The following LGALS9 variants were observed in gnomAD, a reference collection of about 807,000 sequenced individuals.
The protein encoded by LGALS9 is galectin-9.
Under a neutral mutation model 35.9 loss-of-function variants are expected in LGALS9, and 26 were observed. The observed-to-expected ratio is 0.72, with a 90% CI of 0.53 to 1.01. The LOEUF is 1.01. LGALS9 is among the 50% of genes least tolerant of loss of function. The pLI is 0.00. For synonymous variants in LGALS9, 149 were observed against 172.2 expected, an observed-to-expected ratio of 0.87 and a Z score of 1.06; for missense variants, 347 against 445.8, an observed-to-expected ratio of 0.78 and a Z score of 1.99.
At chr17:27,648,791 G>T (rs1309410027) in intron 10 of LGALS9, 45 bp from the exon 11 acceptor site, 2 of 1,612,014 alleles carry the variant, frequency 1.2e-6, no homozygotes, top group South Asian at 2.2e-5. Context: ...CAGTGAGGGT[G>T]GAGGACTTCC....
chr17:27,643,726 A>T, intron 5 of LGALS9, 106 bp downstream of exon 5: 1 of 1,458,702 alleles, frequency 6.9e-7, no homozygotes, highest in Non-Finnish European at 9.1e-7. Context: ...TACAGGCCGC[A>T]TCTTGCCCAC....
chr17:27,633,178 A>G (rs2151287949), intron 1 of LGALS9, among the ~76,000 whole-genome samples: 1 of 152,342 alleles, frequency 6.6e-6, no homozygotes, highest in Non-Finnish European at 1.5e-5. Context: ...GTTGCTGACC[A>G]GTTGTGTAAC....
At chr17:27,636,110 C>T (rs914354117) in intron 1 of LGALS9, among the ~76,000 whole-genome samples, 2 of 144,584 alleles carry the variant, frequency 1.4e-5, no homozygotes, top group African/African-American at 2.5e-5. Context: ...GGGGCTCTCA[C>T]GGTGCCAGGT....
intron 2 of LGALS9, chr17:27,638,633 G>A: frequency 2.6e-6 from 1 of 386,152 alleles, no homozygotes; most frequent in Non-Finnish European, 4.9e-6. Flanking sequence ...ATTATGTTCT[G>A]GGTTGAACCT....
chr17:27,637,306 CATCA>C (rs2074463311), intron 1 of LGALS9, among the ~76,000 whole-genome samples: 1 of 152,160 alleles, frequency 6.6e-6, no homozygotes, highest in African/African-American at 2.4e-5. Flanking sequence ...CTCACAAAAT[CATCA>C]ATCATATGCA....
chr17:27,634,852 A>C (rs1325031913), intron 1 of LGALS9, among the ~76,000 whole-genome samples: 3 of 152,194 alleles, frequency 2.0e-5, no homozygotes, highest in Non-Finnish European at 4.4e-5. Context: ...CCAGTGTTAT[A>C]AGTTTCTTAT....
In LGALS9 at chr17:27,640,685, G is replaced by C. The variant is rs376509554; in HGVS notation, c.245G>C (p.Trp82Ser). 2.5e-6 allele frequency: 4 copies of C among 1,614,096 alleles called. No individual in the cohort carries two copies. Among genetic ancestry groups the C allele is most frequent in the Non-Finnish European group, 3.4e-6 (4 of 1,180,040 alleles). The part of the protein sequence containing the change: ...VVCNTRQNGS[W>S]GPEERKTHMP... ...TGCAACACGAGGCAGAACGGAAGCTGGGGGCCCGAGGAGAGGAAGACACAC... is the reference window on the plus strand; with the variant it reads ...TGCAACACGAGGCAGAACGGAAGCTCGGGGCCCGAGGAGAGGAAGACACAC... Residue 82 changes from tryptophan (W) to serine (S), a missense_variant, in exon 3 of 11, where the codon TGG (tryptophan) becomes TCG (serine). Coordinates refer to ENST00000395473, the MANE Select transcript of LGALS9 (RefSeq NM_009587.3).
At position 27,646,256 on chromosome 17, in the gene LGALS9, A is replaced by C. The variant is rs367603980; in HGVS notation, c.628-291A>C. The stretch of plus-strand genomic sequence containing the variant: ...GGTCCCCAGGATGTCACTATTGATC[A>C]CAGGCTTAAGCTCTTCTCCTGATGG... On this transcript the variant is annotated intron_variant, in intron 7 of 10. Transcript: ENST00000395473. 2.6e-5 allele frequency among the ~76,000 whole-genome samples: 4 copies of C among 152,202 alleles called. No individual in the cohort carries two copies. The South Asian group carries it at 8.3e-4, about 32-fold the overall frequency.
At chr17:27,633,987 C>T (rs2074417106) in intron 1 of LGALS9, among the ~76,000 whole-genome samples, 1 of 152,250 alleles carries the variant, frequency 6.6e-6, no homozygotes, top group East Asian at 1.9e-4. Flanking sequence ...AATCCATCCT[C>T]CTGCACCACA....
intron 1 of LGALS9, among the ~76,000 whole-genome samples, chr17:27,636,921 G>A (rs1468693540): frequency 2.0e-5 from 3 of 152,122 alleles, no homozygotes; most frequent in African/African-American, 7.2e-5. Context: ...GCTTAGCACG[G>A]AGTAGATGTT....
At chr17:27,644,860 A>G in intron 5 of LGALS9, 1 of 161,952 alleles carries the variant, frequency 6.2e-6, no homozygotes, top group Non-Finnish European at 1.3e-5. Flanking sequence ...AGCTTGGGCA[A>G]GTTGCTTAAT....
At chr17:27,645,114 C>T (rs1201726468) in intron 5 of LGALS9, 200 bp from the exon 6 acceptor site, 10 of 1,006,302 alleles carry the variant, frequency 9.9e-6, no homozygotes, top group Admixed American at 5.0e-5. Flanking sequence ...CCCTACCCCC[C>T]AACCCCAAAG....
At chr17:27,639,515 G>GA (rs1394406536) in intron 2 of LGALS9, among the ~76,000 whole-genome samples, 1 of 152,034 alleles carries the variant, frequency 6.6e-6, no homozygotes, top group East Asian at 1.9e-4. Flanking sequence ...GACTCCAAAG[G>GA]AAAAAATACA....
At position 27,638,535 on chromosome 17, in the gene LGALS9, CA is replaced by C. The variant is rs1330492980; in HGVS notation, c.131+182del. Reference sequence around the variant, plus strand: ...GCACTCCACAGGCACAACCTGCACCCAGGGGTGCCATTAACCTGGACTCCAG... The same window carrying C: ...GCACTCCACAGGCACAACCTGCACCCGGGGTGCCATTAACCTGGACTCCAG... On this transcript the variant is annotated intron_variant, in intron 2 of 10. Coordinates refer to ENST00000395473, the MANE Select transcript of LGALS9 (RefSeq NM_009587.3). The C allele has an allele frequency of 1.1e-5, 4 of 372,260 alleles. No homozygotes were observed. In the Admixed American group the frequency reaches 1.6e-4, roughly 15 times the overall value. The allele number at this position is 372,260 out of a possible 1,614,324, so 23.1% of individuals were successfully genotyped here.
rs534473960 is a variant in LGALS9 at position 27,645,555 on chromosome 17, C to T, written c.576+206C>T. ...TGAGTTGCCACCCCGTGGGCAGCCA[C>T]GGAAGACCATGCCCCACATTCACTT... On this transcript the variant is annotated intron_variant, in intron 6 of 10. Coordinates refer to ENST00000395473, the MANE Select transcript of LGALS9 (RefSeq NM_009587.3). 308 of 746,584 alleles carry T rather than the reference C, an allele frequency of 4.1e-4. 6 individuals carry two copies. The highest frequency in any genetic ancestry group is 2.6e-3 in the African/African-American group (139 of 53,708). The allele number at this position is 746,584 out of a possible 1,614,324, so 46.2% of individuals were successfully genotyped here. A position where few individuals can be genotyped will look rare whatever the true frequency, so the allele number is the denominator to read the frequency against.
rs774964939 is a variant in LGALS9 at position 27,642,363 on chromosome 17, C to G, written c.444+15C>G. On this transcript the variant is annotated intron_variant, in intron 4 of 10. Transcript: ENST00000395473. ...TCAGCTTCCAGGTCAGACTGTCCACCTGGCACCGGTCCCAGGGGCTGGGAT... is the reference window on the plus strand; with the variant it reads ...TCAGCTTCCAGGTCAGACTGTCCACGTGGCACCGGTCCCAGGGGCTGGGAT... 5.6e-6 allele frequency: 9 copies of G among 1,611,834 alleles called. No homozygotes were observed. The highest frequency in any genetic ancestry group is 2.2e-4 in the Middle Eastern group (1 of 4,478).
chr17:27,643,707 C>A, intron 5 of LGALS9, 87 bp downstream of exon 5: 1 of 1,491,040 alleles, frequency 6.7e-7, no homozygotes, highest in Non-Finnish European at 8.9e-7. Context: ...CAGCAGGCCA[C>A]TCAGGGCCTA....
intron 1 of LGALS9, among the ~76,000 whole-genome samples, chr17:27,636,084 A>G (rs1448320568): frequency 1.3e-5 from 2 of 151,938 alleles, no homozygotes; most frequent in Non-Finnish European, 2.9e-5. Context: ...TAACTGAATC[A>G]GATCCCAGAT....
At chr17:27,647,703 A>G (rs1460817810) in intron 10 of LGALS9, among the ~76,000 whole-genome samples, 2 of 152,262 alleles carry the variant, frequency 1.3e-5, no homozygotes. Flanking sequence ...AATCAGACCC[A>G]AGAAGGAGGT....
Sources: allele counts gnomAD v4.1 joint callset (sites outside exome capture counted in the v4.1 genomes callset), GRCh38; gene constraint gnomAD v4.1.1; transcripts MANE v1.5; gene names NCBI Gene and HGNC (gene_info 2026-07-23, HGNC 2026-07-21).